The following SYNE1 variants were observed in gnomAD, a reference collection of about 807,000 sequenced individuals.
SYNE1 encodes the protein nesprin-1.
In SYNE1, 616 loss-of-function variants were observed where a neutral mutation model predicts 1,111.0. That is an observed-to-expected ratio of 0.55 (90% CI 0.52 to 0.59). The LOEUF is 0.59. Among genes scored for constraint, SYNE1 ranks in the 20% least tolerant of loss-of-function variants. The pLI is 0.00. For synonymous variants in SYNE1, 3,855 were observed against 3,825.8 expected, an observed-to-expected ratio of 1.01 and a Z score of -0.28; for missense variants, 10,006 against 10,417.0, an observed-to-expected ratio of 0.96 and a Z score of 1.72.
At chr6:152,200,718 A>T (rs1348491814) in intron 127 of SYNE1, among the ~76,000 whole-genome samples, 1 of 152,204 alleles carries the variant, frequency 6.6e-6, no homozygotes, top group Non-Finnish European at 1.5e-5. Context: ...TAAATTTATC[A>T]TCACAGGTTC....
chr6:152,132,496 C>T (rs754436471), intron 143 of SYNE1, among the ~76,000 whole-genome samples: 1 of 152,142 alleles, frequency 6.6e-6, no homozygotes, highest in Non-Finnish European at 1.5e-5. Flanking sequence ...TTCTTGGAGA[C>T]ATGGATATGA....
chr6:152,555,737 G>A (rs1244435051), intron 3 of SYNE1, among the ~76,000 whole-genome samples: 1 of 151,972 alleles, frequency 6.6e-6, no homozygotes, highest in Non-Finnish European at 1.5e-5. Flanking sequence ...TAACATGTTG[G>A]TATTTTTACA....
At chr6:152,353,915 G>A (rs1424250578) in intron 67 of SYNE1, among the ~76,000 whole-genome samples, 171 bp from the exon 68 acceptor site, 1 of 152,174 alleles carries the variant, frequency 6.6e-6, no homozygotes, top group Non-Finnish European at 1.5e-5. Flanking sequence ...TTACAACAAT[G>A]TGATACAAAC....
At chr6:152,570,147 A>G (rs1457536192) in intron 3 of SYNE1, among the ~76,000 whole-genome samples, 1 of 152,234 alleles carries the variant, frequency 6.6e-6, no homozygotes, top group Non-Finnish European at 1.5e-5. Flanking sequence ...TAAATAGATC[A>G]TTATGAAATC....
chr6:152,524,727 G>A (rs1456005495), intron 5 of SYNE1, among the ~76,000 whole-genome samples: 1 of 152,094 alleles, frequency 6.6e-6, no homozygotes, highest in African/African-American at 2.4e-5. Context: ...TGGGGAAGGA[G>A]GAAAAGCTAA....
rs189854092 is a variant in SYNE1 at position 152,471,140 on chromosome 6, A to G, written c.1632+457T>C. On this transcript the variant is annotated intron_variant, in intron 16 of 145. Transcript: ENST00000367255. ...TGAAGCCCAGGGAATTACGGTAAAA[A>G]AAGACACAGTGGACACAATCTAAAA... Among the ~76,000 whole-genome samples the G allele has an allele frequency of 5.6e-3, 850 of 152,280 alleles. 11 individuals are homozygous for G. Among genetic ancestry groups the G allele is most frequent in the African/African-American group, 0.019 (780 of 41,562 alleles).
chr6:152,398,741 G>T lies in SYNE1; in HGVS notation c.7238-10C>A. On this transcript the variant is annotated splice_polypyrimidine_tract_variant and intron_variant, in intron 48 of 145. Coordinates refer to ENST00000367255, the MANE Select transcript of SYNE1 (RefSeq NM_182961.4). Reference sequence around the variant, plus strand: ...AATTCCTGCATAGACTCTTTTGAAAGAAAAAATAAATAAATAAAAATAAAA... The same window carrying T: ...AATTCCTGCATAGACTCTTTTGAAATAAAAAATAAATAAATAAAAATAAAA... The T allele has an allele frequency of 5.6e-6, 9 of 1,598,730 alleles. No homozygotes were observed. Among genetic ancestry groups the T allele is most frequent in the Non-Finnish European group, 7.7e-6 (9 of 1,169,040 alleles).
At chr6:152,447,277 C>G (rs1361276509) in intron 29 of SYNE1, among the ~76,000 whole-genome samples, 181 bp downstream of exon 29, 1 of 152,112 alleles carries the variant, frequency 6.6e-6, no homozygotes, top group Non-Finnish European at 1.5e-5. Context: ...TGGCACAGAC[C>G]ATACATCAAA....
intron 70 of SYNE1, among the ~76,000 whole-genome samples, chr6:152,351,455 G>A (rs1438782988): frequency 6.6e-6 from 1 of 152,204 alleles, no homozygotes; most frequent in Non-Finnish European, 1.5e-5. Context: ...CCACATATAA[G>A]CTTGCATAAT....
At chr6:152,315,946 T>G (rs1333474981) in intron 87 of SYNE1, 3 of 152,190 alleles carry the variant, frequency 2.0e-5, no homozygotes, top group Admixed American at 2.0e-4. Context: ...CAGGGATTCA[T>G]TTAAAGGCCA....
At chr6:152,417,219 C>T (rs181548513) in intron 40 of SYNE1, among the ~76,000 whole-genome samples, 21 of 152,276 alleles carry the variant, frequency 1.4e-4, no homozygotes, top group Admixed American at 1.2e-3. Flanking sequence ...CAACTCTGGG[C>T]CAGGCGCGGT....
intron 24 of SYNE1, among the ~76,000 whole-genome samples, chr6:152,454,702 T>C (rs113418954): frequency 6.6e-6 from 1 of 152,346 alleles, no homozygotes; most frequent in African/African-American, 2.4e-5. Flanking sequence ...AGAAGTACCA[T>C]ACTGTAGAGG....
At chr6:152,499,328 T>C (rs1474853940) in intron 10 of SYNE1, among the ~76,000 whole-genome samples, 2 of 152,028 alleles carry the variant, frequency 1.3e-5, no homozygotes, top group African/African-American at 2.4e-5. Flanking sequence ...TCAAGAAATA[T>C]CTTAAGGGGA....
At chr6:152,460,820 T>G (rs2098728594) in intron 21 of SYNE1, among the ~76,000 whole-genome samples, 1 of 142,166 alleles carries the variant, frequency 7.0e-6, no homozygotes, top group Non-Finnish European at 1.5e-5. Flanking sequence ...TTTTTTTTTT[T>G]TTTTTTTTGA....
chr6:152,374,342 A>G (rs2097242425), intron 58 of SYNE1, among the ~76,000 whole-genome samples: 1 of 152,230 alleles, frequency 6.6e-6, no homozygotes, highest in African/African-American at 2.4e-5. Flanking sequence ...TTCTGACAAG[A>G]AACAGAAGCA....
intron 12 of SYNE1, among the ~76,000 whole-genome samples, chr6:152,486,862 A>G (rs2098943749): frequency 6.6e-6 from 1 of 152,218 alleles, no homozygotes; most frequent in Non-Finnish European, 1.5e-5. Context: ...ACCATGTTGA[A>G]GTTCTCACTT....
intron 145 of SYNE1, among the ~76,000 whole-genome samples, chr6:152,123,024 AAAATGTAGAT>A (rs2051925832): frequency 6.6e-6 from 1 of 152,268 alleles, no homozygotes; most frequent in African/African-American, 2.4e-5. Flanking sequence ...CAGAATAATT[AAAATGTAGAT>A]ATTTGATGCA....
intron 143 of SYNE1, among the ~76,000 whole-genome samples, chr6:152,132,691 C>T (rs80072088): frequency 0.016 from 2,408 of 152,230 alleles, 67 homozygotes; most frequent in African/African-American, 0.056. Flanking sequence ...TGTTCTTTTG[C>T]ATGCTTACAG....
In SYNE1 at chr6:152,387,342, T is replaced by A; in HGVS notation, c.8217A>T (p.Val2739=). ...ACTGCTCCAACTGGTTTTTCCTCTCTACATAGTCATTCCATTGGCTAATCA... is the reference window on the plus strand; with the variant it reads ...ACTGCTCCAACTGGTTTTTCCTCTCAACATAGTCATTCCATTGGCTAATCA... ...ESVISQWNDY[V]ERKNQLEQWM... Residue 2739 remains valine, a synonymous_variant, in exon 54 of 146, where the codon GTA becomes GTT. Coordinates refer to ENST00000367255, the MANE Select transcript of SYNE1 (RefSeq NM_182961.4). The A allele has an allele frequency of 1.9e-6, 3 of 1,614,220 alleles. No individual in the cohort carries two copies. Among genetic ancestry groups the A allele is most frequent in the Non-Finnish European group, 2.5e-6 (3 of 1,180,018 alleles).
Sources: gnomAD v4.1 joint callset for allele counts (sites outside exome capture counted in the v4.1 genomes callset) on GRCh38, gnomAD v4.1.1 for gene constraint, MANE v1.5 for transcripts, NCBI Gene and HGNC (gene_info 2026-07-23, HGNC 2026-07-21) for gene names.